Variants in EPC2 observed in about 807,000 individuals in gnomAD.
The protein encoded by EPC2 is enhancer of polycomb homolog 2.
In EPC2, 14 loss-of-function variants were observed where a neutral mutation model predicts 92.1. The observed-to-expected ratio is 0.15, with a 90% CI of 0.10 to 0.24. The LOEUF (loss-of-function observed/expected upper bound fraction) is 0.24, where lower values mean the gene tolerates loss of function less well. EPC2 is among the 10% of genes least tolerant of loss of function. EPC2 has a pLI of 1.00. For missense variants in EPC2, 755 were observed against 971.5 expected, an observed-to-expected ratio of 0.78 and a Z score of 2.96; for synonymous variants, 340 against 334.7, an observed-to-expected ratio of 1.02 and a Z score of -0.17.
chr2:148,779,616 T>C (rs995538414), intron 10 of EPC2, among the ~76,000 whole-genome samples: 4 of 152,222 alleles, frequency 2.6e-5, no homozygotes, highest in Admixed American at 6.5e-5. Flanking sequence ...TTTAGATATA[T>C]ACTTTATTCT....
intron 6 of EPC2, among the ~76,000 whole-genome samples, chr2:148,763,313 T>G (rs368762195): frequency 6.6e-6 from 1 of 152,132 alleles, no homozygotes; most frequent in Non-Finnish European, 1.5e-5. Context: ...TGGGTCACAG[T>G]TTCTTCCTAA....
chr2:148,689,338 G>A (rs536822551), intron 1 of EPC2, among the ~76,000 whole-genome samples: 15 of 152,116 alleles, frequency 9.9e-5, no homozygotes, highest in African/African-American at 3.6e-4. Flanking sequence ...CACTACGCCC[G>A]GCTAATTTTT....
In EPC2 at chr2:148,765,147, G is replaced by A; in HGVS notation, c.1140+1G>A. ...CTCAGATGAAGATGAATTTCCACAG[G>A]TGCTTGTTTTAAAATATTTTAAAGA... On this transcript the variant is annotated splice_donor_variant, in intron 7 of 13. Transcript: ENST00000258484. LOFTEE classifies it high-confidence loss of function. 1 of 1,524,300 alleles carries A rather than the reference G, an allele frequency of 6.6e-7. No homozygotes were observed. Among genetic ancestry groups the A allele is most frequent in the Non-Finnish European group, 8.8e-7 (1 of 1,135,510 alleles). 94.4% of individuals were successfully genotyped at this position (1,524,300 alleles called of 1,614,324 possible). A position where few individuals can be genotyped will look rare whatever the true frequency, so the allele number is the denominator to read the frequency against.
chr2:148,723,387 G>T (rs538854304), intron 2 of EPC2, among the ~76,000 whole-genome samples: 1 of 152,294 alleles, frequency 6.6e-6, no homozygotes, highest in Non-Finnish European at 1.5e-5. Context: ...TGACTGAGAT[G>T]CCTGGATTTT....
chr2:148,732,919 T>C lies in EPC2; in HGVS notation c.314-10703T>C, dbSNP rs554734787. Among the ~76,000 whole-genome samples the C allele has an allele frequency of 1.6e-4, 24 of 149,922 alleles. No individual in the cohort carries two copies. The East Asian group carries it at 4.5e-3, about 28-fold the overall frequency. The stretch of plus-strand genomic sequence containing the variant: ...AATAATGTAAATCAAATTATAATGG[T>C]CAATTCTAAATATTAAGTGAATAGC... On this transcript the variant is annotated intron_variant, in intron 2 of 13. Transcript: ENST00000258484.
intron 2 of EPC2, among the ~76,000 whole-genome samples, chr2:148,727,069 C>A (rs1002322551): frequency 6.6e-6 from 1 of 152,018 alleles, no homozygotes; most frequent in African/African-American, 2.4e-5. Flanking sequence ...TTGTGTCTTA[C>A]ATTTAGGTAT....
intron 10 of EPC2, among the ~76,000 whole-genome samples, chr2:148,771,758 A>G (rs1240136269): frequency 6.6e-6 from 1 of 151,974 alleles, no homozygotes; most frequent in African/African-American, 2.4e-5. Context: ...GTACCTTTGA[A>G]AACTCTTGCT....
chr2:148,724,636 G>A (rs1682455935), intron 2 of EPC2, among the ~76,000 whole-genome samples: 1 of 152,094 alleles, frequency 6.6e-6, no homozygotes, highest in Non-Finnish European at 1.5e-5. Flanking sequence ...CAATGTATAA[G>A]CTCAGTTTTC....
chr2:148,657,125 A>G (rs1680818677), intron 1 of EPC2, among the ~76,000 whole-genome samples: 1 of 152,072 alleles, frequency 6.6e-6, no homozygotes, highest in Non-Finnish European at 1.5e-5. Context: ...GCAAAATTGT[A>G]TTATAAACAG....
intron 1 of EPC2, among the ~76,000 whole-genome samples, chr2:148,683,834 G>A (rs1428494811): frequency 1.3e-5 from 2 of 152,162 alleles, no homozygotes; most frequent in South Asian, 4.1e-4. Context: ...CTGTAAATGC[G>A]TGCAAGTGTC....
At chr2:148,685,960 G>C (rs1681511437) in intron 1 of EPC2, among the ~76,000 whole-genome samples, 1 of 152,178 alleles carries the variant, frequency 6.6e-6, no homozygotes, top group Non-Finnish European at 1.5e-5. Flanking sequence ...TTGCCTTGAT[G>C]TTAATGGCTA....
intron 1 of EPC2, among the ~76,000 whole-genome samples, chr2:148,651,155 G>C (rs1341981364): frequency 3.3e-5 from 5 of 152,160 alleles, no homozygotes; most frequent in Non-Finnish European, 7.4e-5. Context: ...TGGGCTTTCA[G>C]GTTTGGTTGT....
At chr2:148,766,833 A>G (rs914474155) in intron 7 of EPC2, among the ~76,000 whole-genome samples, 7 of 152,306 alleles carry the variant, frequency 4.6e-5, no homozygotes, top group Admixed American at 2.6e-4. Context: ...ATAGGCTTAT[A>G]TTGGTGGTAC....
At chr2:148,725,384 C>G (rs1558821233) in intron 2 of EPC2, among the ~76,000 whole-genome samples, 2 of 152,020 alleles carry the variant, frequency 1.3e-5, no homozygotes, top group Non-Finnish European at 2.9e-5. Flanking sequence ...CTGTCAGCCT[C>G]TCTTTCTCCT....
intron 4 of EPC2, among the ~76,000 whole-genome samples, chr2:148,754,576 T>C (rs927767934): frequency 6.6e-6 from 1 of 152,216 alleles, no homozygotes; most frequent in East Asian, 1.9e-4. Flanking sequence ...CTTGAGACTT[T>C]ACAGTTCCTT....
At chr2:148,677,016 C>A (rs985638572) in intron 1 of EPC2, among the ~76,000 whole-genome samples, 21 of 152,084 alleles carry the variant, frequency 1.4e-4, no homozygotes, top group Admixed American at 1.1e-3. Context: ...CAGCATGTAA[C>A]AATGTAACAA....
intron 1 of EPC2, among the ~76,000 whole-genome samples, chr2:148,658,942 T>G (rs1680878186): frequency 6.6e-6 from 1 of 151,960 alleles, no homozygotes; most frequent in Admixed American, 6.6e-5. Context: ...GGAACTTGGG[T>G]TTTGCAGGGT....
chr2:148,726,221 C>G (rs1682491296), intron 2 of EPC2, among the ~76,000 whole-genome samples: 1 of 152,180 alleles, frequency 6.6e-6, no homozygotes. Context: ...GTTGCTTCCA[C>G]TTCTTAGCCA....
intron 10 of EPC2, among the ~76,000 whole-genome samples, chr2:148,775,522 CTT>C (rs1683615155): frequency 1.3e-5 from 2 of 151,528 alleles, no homozygotes; most frequent in Non-Finnish European, 2.9e-5. Flanking sequence ...TAACATAATA[CTT>C]TTTTCTTTTC....
Sources: gnomAD v4.1 joint callset for allele counts (sites outside exome capture counted in the v4.1 genomes callset) on GRCh38, gnomAD v4.1.1 for gene constraint, MANE v1.5 for transcripts, NCBI Gene and HGNC (gene_info 2026-07-23, HGNC 2026-07-21) for gene names.